The following CDH13 variants were observed in gnomAD, a reference collection of about 807,000 sequenced individuals.
CDH13 encodes the protein cadherin 13.
Under a neutral mutation model 63.8 loss-of-function variants are expected in CDH13, and 24 were observed. That is an observed-to-expected ratio of 0.38 (90% CI 0.27 to 0.53). CDH13 has a LOEUF of 0.53. CDH13 is among the 20% of genes least tolerant of loss of function. The probability of loss-of-function intolerance (pLI) is 0.85; values close to 1 mark genes in which losing one functional copy is unlikely to be tolerated. For missense variants in CDH13, 1,049 were observed against 903.1 expected, an observed-to-expected ratio of 1.16 and a Z score of -2.07; for synonymous variants, 503 against 355.3, an observed-to-expected ratio of 1.42 and a Z score of -4.67.
At chr16:83,585,370 T>C (rs1441282115) in intron 7 of CDH13, among the ~76,000 whole-genome samples, 3 of 151,920 alleles carry the variant, frequency 2.0e-5, no homozygotes, top group African/African-American at 4.8e-5. Flanking sequence ...GAGAGTCTGT[T>C]TGGAGAAGGA....
intron 1 of CDH13, among the ~76,000 whole-genome samples, chr16:82,815,158 C>G (rs777477758): frequency 2.6e-5 from 4 of 152,110 alleles, no homozygotes; most frequent in Non-Finnish European, 5.9e-5. Flanking sequence ...TTAGAAAGTA[C>G]TGCATGGTTA....
chr16:83,150,028 C>T lies in CDH13; in HGVS notation c.483+24527C>T, dbSNP rs190843373. Among the ~76,000 whole-genome samples, 713 of 152,266 alleles carry T rather than the reference C, an allele frequency of 4.7e-3. 2 individuals are homozygous for T. The highest frequency in any genetic ancestry group is 0.016 in the African/African-American group (684 of 41,558). ...ATGTGTTTGTTTCCCTTTCCCAAAC[C>T]TCTTCCACATTCACCTGTAAGACTG... On this transcript the variant is annotated intron_variant, in intron 4 of 13. Coordinates refer to ENST00000567109, the MANE Select transcript of CDH13 (RefSeq NM_001257.5).
chr16:83,250,012 G>C (rs1039483823), intron 5 of CDH13, among the ~76,000 whole-genome samples: 3 of 152,166 alleles, frequency 2.0e-5, no homozygotes, highest in Non-Finnish European at 4.4e-5. Flanking sequence ...ATTGCAATAG[G>C]AGTGTAATGA....
chr16:83,040,538 C>G (rs1343278874), intron 3 of CDH13, among the ~76,000 whole-genome samples: 1 of 152,130 alleles, frequency 6.6e-6, no homozygotes, highest in Non-Finnish European at 1.5e-5. Context: ...CAGGAAGCAT[C>G]CAACATGGGA....
At chr16:83,459,094 TTTTG>T (rs1291617777) in intron 6 of CDH13, among the ~76,000 whole-genome samples, 15 of 152,312 alleles carry the variant, frequency 9.8e-5, no homozygotes, top group Admixed American at 6.5e-4. Context: ...AATACCAACT[TTTTG>T]TTTGTTTGGT....
chr16:83,689,498 G>A (rs937367049), intron 10 of CDH13, among the ~76,000 whole-genome samples: 1 of 152,108 alleles, frequency 6.6e-6, no homozygotes, highest in African/African-American at 2.4e-5. Context: ...ACCCTAACAC[G>A]GGTAATGAAA....
intron 10 of CDH13, among the ~76,000 whole-genome samples, chr16:83,686,173 T>C (rs1339963454): frequency 6.6e-6 from 1 of 152,216 alleles, no homozygotes; most frequent in Non-Finnish European, 1.5e-5. Flanking sequence ...TCCGTACCAC[T>C]GCGCCTACTG....
At chr16:83,576,493 C>T (rs1168331037) in intron 7 of CDH13, among the ~76,000 whole-genome samples, 1 of 152,114 alleles carries the variant, frequency 6.6e-6, no homozygotes, top group Non-Finnish European at 1.5e-5. Flanking sequence ...TCTTTGAGTG[C>T]CTGTTTCTAA....
At chr16:83,485,694 T>A (rs1284585610) in intron 6 of CDH13, among the ~76,000 whole-genome samples, 1 of 152,166 alleles carries the variant, frequency 6.6e-6, no homozygotes, top group East Asian at 1.9e-4. Flanking sequence ...GTATTCATAA[T>A]GCCCTCTCTC....
At chr16:83,065,970 C>G (rs1363009227) in intron 3 of CDH13, among the ~76,000 whole-genome samples, 1 of 152,146 alleles carries the variant, frequency 6.6e-6, no homozygotes. Context: ...TGGATGCAGT[C>G]CAGGTATAAA....
At chr16:82,760,621 C>G (rs554547199) in intron 1 of CDH13, among the ~76,000 whole-genome samples, 2 of 152,242 alleles carry the variant, frequency 1.3e-5, no homozygotes, top group South Asian at 4.1e-4. Flanking sequence ...CTATATGACT[C>G]TGATAGCACC....
intron 3 of CDH13, among the ~76,000 whole-genome samples, chr16:83,081,790 A>G (rs2033273687): frequency 1.3e-5 from 2 of 151,666 alleles, no homozygotes; most frequent in Non-Finnish European, 2.9e-5. Flanking sequence ...TCATGACCTC[A>G]TCTAAACCTA....
intron 6 of CDH13, among the ~76,000 whole-genome samples, chr16:83,361,049 C>T (rs1268601686): frequency 6.6e-6 from 1 of 152,136 alleles, no homozygotes; most frequent in East Asian, 1.9e-4. Context: ...TTTACATTCC[C>T]ACGAACAGTA....
chr16:83,169,342 A>AT (rs1031048558), intron 4 of CDH13, among the ~76,000 whole-genome samples: 8 of 151,908 alleles, frequency 5.3e-5, no homozygotes, highest in South Asian at 2.1e-4. Flanking sequence ...ACACCCAGCT[A>AT]TTTTTTGTAT....
chr16:82,794,183 C>G (rs1399895638), intron 1 of CDH13, among the ~76,000 whole-genome samples: 2 of 143,124 alleles, frequency 1.4e-5, no homozygotes, highest in Admixed American at 7.0e-5. Context: ...CTTTTCTTTT[C>G]TTTTTTTTTT....
intron 1 of CDH13, among the ~76,000 whole-genome samples, chr16:82,720,517 C>T (rs1300834053): frequency 6.6e-6 from 1 of 152,098 alleles, no homozygotes; most frequent in Admixed American, 6.6e-5. Flanking sequence ...TACACCCACG[C>T]TCACACTCAC....
At chr16:82,664,547 C>G (rs1336260200) in intron 1 of CDH13, among the ~76,000 whole-genome samples, 1 of 152,176 alleles carries the variant, frequency 6.6e-6, no homozygotes, top group African/African-American at 2.4e-5. Context: ...TGAAGCATGA[C>G]TTTCTGAGGG....
intron 5 of CDH13, among the ~76,000 whole-genome samples, chr16:83,284,516 A>T (rs555734970): frequency 6.6e-6 from 1 of 152,342 alleles, no homozygotes; most frequent in Non-Finnish European, 1.5e-5. Flanking sequence ...ATTAAAGAGT[A>T]CAGGCTACTG....
intron 8 of CDH13, among the ~76,000 whole-genome samples, chr16:83,648,830 G>A (rs915837022): frequency 1.2e-4 from 18 of 149,254 alleles, no homozygotes; most frequent in African/African-American, 3.7e-4. Context: ...TCTTTCCCTC[G>A]CTGTTTCTTT....
Sources: gnomAD v4.1 joint callset for allele counts (sites outside exome capture counted in the v4.1 genomes callset) on GRCh38, gnomAD v4.1.1 for gene constraint, MANE v1.5 for transcripts, NCBI Gene and HGNC (gene_info 2026-07-23, HGNC 2026-07-21) for gene names.